REEP3: variants seen among roughly 807,000 people sequenced by gnomAD.
The protein encoded by REEP3 is receptor accessory protein 3.
Under a neutral mutation model 41.3 loss-of-function variants are expected in REEP3, and 20 were observed. The observed-to-expected ratio is 0.48, with a 90% CI of 0.34 to 0.70. The LOEUF is 0.70. Ranked by LOEUF, REEP3 falls within the 30% of genes least tolerant of loss-of-function variation. The probability of loss-of-function intolerance (pLI) is 0.01; values close to 1 mark genes in which losing one functional copy is unlikely to be tolerated. For synonymous variants in REEP3, 104 were observed against 101.8 expected (o/e 1.02, Z -0.13); for missense variants, 271 against 308.8 (o/e 0.88, Z 0.92).
Position 63,566,374 on chromosome 10 carries a change from A to G in REEP3, c.69A>G (p.Ser23=), listed in dbSNP as rs1406493712. The change falls in exon 2 of 8, where the codon TCA becomes TCG. Residue 23 remains serine (S), a synonymous_variant. Coordinates refer to ENST00000373758, the MANE Select transcript of REEP3 (RefSeq NM_001001330.3). Reference sequence around the variant, plus strand: ...GAATGCTTTATCCTGCATATTATTCATACAAAGCTGTGAAAACAAAAAACG... The same window carrying G: ...GAATGCTTTATCCTGCATATTATTCGTACAAAGCTGTGAAAACAAAAAACG... ...VFGMLYPAYY[S]YKAVKTKNVK... is the part of the protein sequence containing the mutation. 6.4e-7 allele frequency: 1 copy of G among 1,553,794 alleles called. No homozygotes were observed. Among genetic ancestry groups the G allele is most frequent in the Non-Finnish European group, 8.7e-7 (1 of 1,145,676 alleles).
At chr10:63,528,934 C>T (rs7076568) in intron 1 of REEP3, among the ~76,000 whole-genome samples, 150,090 of 152,344 alleles carry the variant, frequency 0.99, 73,968 homozygotes, top group Middle Eastern at 1. Context: ...ACTTCTTTAA[C>T]CTATCATCTG....
rs1163518939 is a variant in REEP3 at position 63,608,187 on chromosome 10, A to C, written c.418-2000A>C. Among the ~76,000 whole-genome samples, 3 of 152,238 alleles carry C rather than the reference A, an allele frequency of 2.0e-5. No homozygotes were observed. In the East Asian group the frequency reaches 5.8e-4, roughly 29 times the overall value. On this transcript the variant is annotated intron_variant, in intron 5 of 7. Coordinates refer to ENST00000373758, the MANE Select transcript of REEP3 (RefSeq NM_001001330.3). The stretch of plus-strand genomic sequence containing the variant: ...ATGTCTCTGGAGTCTTCTGTCAACT[A>C]TCTGTTTGATAAGTAAATGATATCT...
Position 63,609,284 on chromosome 10 carries a change from C to T in REEP3, c.418-903C>T, listed in dbSNP as rs376183628. On this transcript the variant is annotated intron_variant, in intron 5 of 7. Transcript: ENST00000373758. ...TGGCTAACACAGTGAAACCCCATCTCTACTAAAAATACAAAAAATTAGCCA... is the reference window on the plus strand; with the variant it reads ...TGGCTAACACAGTGAAACCCCATCTTTACTAAAAATACAAAAAATTAGCCA... 7.2e-5 allele frequency among the ~76,000 whole-genome samples: 11 copies of T among 151,870 alleles called. No individual in the cohort carries two copies. The East Asian group carries it at 1.7e-3, about 24-fold the overall frequency.
In REEP3 at chr10:63,574,847, CTTTTTTTTTT is replaced by C. The variant is rs56001048; in HGVS notation, c.105+8456_105+8465del. Among the ~76,000 whole-genome samples the C allele has an allele frequency of 6.8e-5, 4 of 58,934 alleles. No homozygotes were observed. The South Asian group carries it at 2.8e-3, about 41-fold the overall frequency. The allele number at this position is 58,934 out of a possible 152,430, so 38.7% of individuals were successfully genotyped here. A position where few individuals can be genotyped will look rare whatever the true frequency, so the allele number is the denominator to read the frequency against. ...GAAGGCTATAATGAGAGGTCAATTT[CTTTTTTTTTT>C]TTTTTTTTTTTTTTTTTTGAGACAG... On this transcript the variant is annotated intron_variant, in intron 2 of 7. Transcript: ENST00000373758.
chr10:63,546,921 C>G (rs764649336), intron 1 of REEP3, among the ~76,000 whole-genome samples: 1 of 151,552 alleles, frequency 6.6e-6, no homozygotes, highest in Non-Finnish European at 1.5e-5. Flanking sequence ...AAAACTTCTT[C>G]GTGACTTTTT....
Position 63,561,585 on chromosome 10 carries a change from C to T in REEP3, c.33-4753C>T, listed in dbSNP as rs577899817. 9.9e-5 allele frequency among the ~76,000 whole-genome samples: 15 copies of T among 152,260 alleles called. No individual in the cohort carries two copies. The South Asian group carries it at 1.9e-3, about 19-fold the overall frequency. On this transcript the variant is annotated intron_variant, in intron 1 of 7. Coordinates refer to ENST00000373758, the MANE Select transcript of REEP3 (RefSeq NM_001001330.3). ...CTAGCCAGCAAGGGGTGAAGAGGCC[C>T]GCTAGTGAAGTCTTTAAGTGAGGCA...
intron 6 of REEP3, among the ~76,000 whole-genome samples, chr10:63,618,291 G>C (rs1956328100): frequency 7.8e-6 from 1 of 127,496 alleles, no homozygotes. Context: ...TGTCACCCAG[G>C]CTGGAGTGCA....
At position 63,562,255 on chromosome 10, in the gene REEP3, GT is replaced by G. The variant is rs562176985; in HGVS notation, c.33-4065del. Among the ~76,000 whole-genome samples the G allele has an allele frequency of 6.5e-3, 881 of 136,036 alleles. 7 individuals carry two copies. The highest frequency in any genetic ancestry group is 0.016 in the African/African-American group (598 of 37,428). The allele number at this position is 136,036 out of a possible 152,430, so 89.2% of individuals were successfully genotyped here. On this transcript the variant is annotated intron_variant, in intron 1 of 7. Coordinates refer to ENST00000373758, the MANE Select transcript of REEP3 (RefSeq NM_001001330.3). ...AGGTAATATTGTTAAATAAGGCAGA[GT>G]TTTTTTTTTTTTTTTTTAGAGACGG...
intron 2 of REEP3, among the ~76,000 whole-genome samples, chr10:63,579,761 C>T (rs1235040816): frequency 2.6e-5 from 4 of 152,162 alleles, no homozygotes; most frequent in Non-Finnish European, 4.4e-5. Context: ...GGGACTGAAA[C>T]AGTTGTTTCC....
chr10:63,589,785 CTTTTTTTTT>C (rs59658061), intron 2 of REEP3, among the ~76,000 whole-genome samples: 70 of 80,840 alleles, frequency 8.7e-4, no homozygotes, highest in African/African-American at 3.1e-3. Flanking sequence ...AGCAGAACAT[CTTTTTTTTT>C]TTTTTTTTTT....
intron 5 of REEP3, among the ~76,000 whole-genome samples, chr10:63,606,352 C>CTCT (rs1554808507): frequency 4.4e-5 from 1 of 22,810 alleles, no homozygotes; most frequent in African/African-American, 8.5e-5. Flanking sequence ...TTCTCTCTCT[C>CTCT]TCTTTCTTTC....
chr10:63,564,107 A>T (rs887829004), intron 1 of REEP3, among the ~76,000 whole-genome samples: 1 of 152,228 alleles, frequency 6.6e-6, no homozygotes, highest in African/African-American at 2.4e-5. Context: ...GCACTGGTAC[A>T]TTAATTGTAA....
chr10:63,621,536 C>G lies in REEP3; in HGVS notation c.*667C>G, dbSNP rs886424155. On this transcript the variant is annotated 3_prime_UTR_variant, in exon 8 of 8. Coordinates refer to ENST00000373758, the MANE Select transcript of REEP3 (RefSeq NM_001001330.3). The stretch of plus-strand genomic sequence containing the variant: ...TTGTTTTTGCCGTATTCTGACATGT[C>G]AAATCTATGCCTTGAATTATATCAT... 6.6e-6 allele frequency: 1 copy of G among 152,568 alleles called. No individual in the cohort carries two copies. Among genetic ancestry groups the G allele is most frequent in the African/African-American group, 2.4e-5 (1 of 41,454 alleles). 9.5% of individuals were successfully genotyped at this position (152,568 alleles called of 1,614,324 possible).
intron 2 of REEP3, among the ~76,000 whole-genome samples, chr10:63,587,960 T>C (rs1222064198): frequency 6.6e-6 from 1 of 152,248 alleles, no homozygotes; most frequent in Non-Finnish European, 1.5e-5. Context: ...GACCTTTCAT[T>C]ATAGCCCTTG....
At chr10:63,564,622 GA>G (rs398013817) in intron 1 of REEP3, among the ~76,000 whole-genome samples, 16 of 143,758 alleles carry the variant, frequency 1.1e-4, no homozygotes, top group South Asian at 2.2e-4. Flanking sequence ...CCCTGTCTCA[GA>G]AAAAAAAAAA....
chr10:63,563,047 G>C, intron 1 of REEP3: 3 of 455,860 alleles, frequency 6.6e-6, no homozygotes, highest in Non-Finnish European at 1.3e-5. Flanking sequence ...ATTATGTGAG[G>C]ACACAGCTAG....
At chr10:63,541,602 A>G (rs1199273147) in intron 1 of REEP3, among the ~76,000 whole-genome samples, 1 of 152,132 alleles carries the variant, frequency 6.6e-6, no homozygotes, top group African/African-American at 2.4e-5. Flanking sequence ...GAAATTGATG[A>G]CCTTTGTTCT....
At chr10:63,582,635 T>C (rs578088254) in intron 2 of REEP3, among the ~76,000 whole-genome samples, 9 of 152,192 alleles carry the variant, frequency 5.9e-5, no homozygotes, top group African/African-American at 2.2e-4. Flanking sequence ...ATTAGGGGAG[T>C]AAGGCTATTG....
rs538797348 is a variant in REEP3 at position 63,532,653 on chromosome 10, C to CAA, written c.32+11088_32+11089dup. The stretch of plus-strand genomic sequence containing the variant: ...CCTGGGCGATAGAGCGAGACTCCGT[C>CAA]AAAAAAAAAAAAAGAAAAGGAGAAA... On this transcript the variant is annotated intron_variant, in intron 1 of 7. Transcript: ENST00000373758. Among the ~76,000 whole-genome samples the CAA allele has an allele frequency of 1.2e-4, 14 of 119,216 alleles. No individual in the cohort carries two copies. In the East Asian group the frequency reaches 2.0e-3, roughly 17 times the overall value. 78.2% of individuals were successfully genotyped at this position (119,216 alleles called of 152,430 possible). A position where few individuals can be genotyped will look rare whatever the true frequency, so the allele number is the denominator to read the frequency against.
Sources: allele counts gnomAD v4.1 joint callset (sites outside exome capture counted in the v4.1 genomes callset), GRCh38; gene constraint gnomAD v4.1.1; transcripts MANE v1.5; gene names NCBI Gene and HGNC (gene_info 2026-07-23, HGNC 2026-07-21).